The following ATP11B variants were observed in gnomAD, a reference collection of about 807,000 sequenced individuals.
ATP11B encodes the protein phospholipid-transporting ATPase IF.
In ATP11B, 81 loss-of-function variants were observed where a neutral mutation model predicts 157.8. The ratio of observed to expected loss-of-function variants is 0.51; its 90% CI spans 0.43 to 0.62. The LOEUF (loss-of-function observed/expected upper bound fraction) is 0.62, where lower values mean the gene tolerates loss of function less well. Among genes scored for constraint, ATP11B ranks in the 20% least tolerant of loss-of-function variants. The pLI is 0.00. For missense variants in ATP11B, 1,165 were observed against 1,402.2 expected (o/e 0.83, Z 2.70); for synonymous variants, 451 against 469.4 (o/e 0.96, Z 0.51).
intron 28 of ATP11B, among the ~76,000 whole-genome samples, chr3:182,903,483 A>T (rs1292562918): frequency 6.6e-6 from 1 of 152,176 alleles, no homozygotes; most frequent in Non-Finnish European, 1.5e-5. Context: ...CCTTTTATAA[A>T]ACTCTATGAG....
At chr3:182,887,032 A>G (rs1577078186) in intron 23 of ATP11B, among the ~76,000 whole-genome samples, 1 of 152,224 alleles carries the variant, frequency 6.6e-6, no homozygotes, top group African/African-American at 2.4e-5. Context: ...AACAATAAAA[A>G]CAATATGTAA....
At chr3:182,898,831 T>G in intron 28 of ATP11B, 59 bp downstream of exon 28, 1 of 1,110,012 alleles carries the variant, frequency 9.0e-7, no homozygotes, top group Non-Finnish European at 1.2e-6. Context: ...TAATAATGAA[T>G]AGCTGTCATT....
chr3:182,853,290 C>T (rs1314427646), intron 10 of ATP11B, among the ~76,000 whole-genome samples: 4 of 152,102 alleles, frequency 2.6e-5, no homozygotes. Flanking sequence ...TCTCTGCAAC[C>T]TCCGCCTCCC....
intron 2 of ATP11B, among the ~76,000 whole-genome samples, chr3:182,824,506 G>T (rs1215590741): frequency 6.6e-6 from 1 of 152,136 alleles, no homozygotes; most frequent in Admixed American, 6.5e-5. Flanking sequence ...TCCAGTATTT[G>T]ACATAGTTTT....
rs1577074984 is a variant in ATP11B at position 182,884,826 on chromosome 3, C to T, written c.2583C>T (p.Ser861=). Residue 861 remains serine, a synonymous_variant, in exon 22 of 30, where the codon TCC becomes TCT. Coordinates refer to ENST00000323116, the MANE Select transcript of ATP11B (RefSeq NM_014616.3). Reference sequence around the variant, plus strand: ...CAATAGCCAGATTTAAGTTCCTCTCCAAATTGCTTTTTGTTCATGGTCATT... The same window carrying T: ...CAATAGCCAGATTTAAGTTCCTCTCTAAATTGCTTTTTGTTCATGGTCATT... ...DYAIARFKFL[S]KLLFVHGHFY... The T allele has an allele frequency of 1.2e-6, 2 of 1,600,976 alleles. No individual in the cohort carries two copies. Among genetic ancestry groups the T allele is most frequent in the African/African-American group, 1.3e-5 (1 of 74,310 alleles).
In ATP11B at chr3:182,793,681, C is replaced by T. The variant is rs1400673378; in HGVS notation, c.-79C>T. 4.0e-6 allele frequency: 4 copies of T among 1,001,860 alleles called. No homozygotes were observed. The South Asian group carries it at 5.2e-5, about 13-fold the overall frequency. 62.1% of individuals were successfully genotyped at this position (1,001,860 alleles called of 1,614,324 possible). On this transcript the variant is annotated 5_prime_UTR_variant, in exon 1 of 30. Coordinates refer to ENST00000323116, the MANE Select transcript of ATP11B (RefSeq NM_014616.3). ...TTCGGCCCGAGGGGCTCGCCCGCTC[C>T]CGCCTCTGTCTTGTCGGCCTCCACC...
At chr3:182,812,622 A>C (rs1221089920) in intron 1 of ATP11B, among the ~76,000 whole-genome samples, 1 of 152,218 alleles carries the variant, frequency 6.6e-6, no homozygotes, top group Non-Finnish European at 1.5e-5. Flanking sequence ...GATATTTACT[A>C]TCATGGTTGA....
chr3:182,837,225 A>C, intron 7 of ATP11B, 51 bp downstream of exon 7: 5 of 1,262,268 alleles, frequency 4.0e-6, no homozygotes, highest in Non-Finnish European at 5.6e-6. Flanking sequence ...TACAGACCTC[A>C]TTTTTAAATA....
At chr3:182,913,093 G>T (rs1314964996) in intron 28 of ATP11B, among the ~76,000 whole-genome samples, 1 of 152,042 alleles carries the variant, frequency 6.6e-6, no homozygotes, top group Non-Finnish European at 1.5e-5. Context: ...CATAAATCTT[G>T]CATACTTTCA....
At chr3:182,863,066 G>A (rs538120667) in intron 12 of ATP11B, among the ~76,000 whole-genome samples, 31 of 151,676 alleles carry the variant, frequency 2.0e-4, no homozygotes, top group Non-Finnish European at 3.5e-4. Context: ...ACAGGCACCC[G>A]CCACCACACC....
intron 6 of ATP11B, 99 bp downstream of exon 6, chr3:182,836,569 T>A: frequency 7.3e-7 from 1 of 1,368,802 alleles, no homozygotes; most frequent in Non-Finnish European, 1.0e-6. Context: ...TTTGACCAGA[T>A]TAAGGGGAAG....
chr3:182,855,042 G>GT (rs1720279121), intron 10 of ATP11B, among the ~76,000 whole-genome samples: 1 of 152,112 alleles, frequency 6.6e-6, no homozygotes, highest in Non-Finnish European at 1.5e-5. Context: ...ATCTCAGCAA[G>GT]TTTTTTTGTA....
At chr3:182,830,322 CA>C (rs5854958) in intron 4 of ATP11B, among the ~76,000 whole-genome samples, 3,398 of 99,052 alleles carry the variant, frequency 0.034, 81 homozygotes, top group African/African-American at 0.093. Context: ...GATCCTGTCT[CA>C]AAAAAAAAAA....
intron 22 of ATP11B, 42 bp from the exon 23 acceptor site, chr3:182,885,909 C>A: frequency 7.4e-7 from 1 of 1,344,802 alleles, no homozygotes; most frequent in Non-Finnish European, 1.0e-6. Context: ...GTCTTTGAAA[C>A]CTAAATATTT....
chr3:182,907,502 T>C (rs186136163), intron 28 of ATP11B, among the ~76,000 whole-genome samples: 90 of 152,392 alleles, frequency 5.9e-4, no homozygotes, highest in African/African-American at 2.2e-3. Context: ...AACTCTGTTA[T>C]TAAATATCAT....
chr3:182,865,802 T>C (rs1028434778), intron 13 of ATP11B, 104 bp downstream of exon 13: 5 of 826,508 alleles, frequency 6.0e-6, no homozygotes, highest in Non-Finnish European at 9.3e-6. Flanking sequence ...GAGCAAGGAA[T>C]ATACATTTGA....
intron 28 of ATP11B, among the ~76,000 whole-genome samples, chr3:182,905,601 T>C (rs1577109357): frequency 6.6e-6 from 1 of 151,342 alleles, no homozygotes; most frequent in South Asian, 2.1e-4. Flanking sequence ...AAATCATGGC[T>C]TTATTTTGTG....
At chr3:182,861,838 G>A (rs1720862540) in intron 12 of ATP11B, among the ~76,000 whole-genome samples, 1 of 151,966 alleles carries the variant, frequency 6.6e-6, no homozygotes, top group Non-Finnish European at 1.5e-5. Context: ...ACTCTACCCA[G>A]GAGGCTGAGG....
At chr3:182,807,038 AT>A (rs1249884941) in intron 1 of ATP11B, among the ~76,000 whole-genome samples, 11 of 73,984 alleles carry the variant, frequency 1.5e-4, no homozygotes, top group East Asian at 2.5e-4. Flanking sequence ...CTAAGTATTA[AT>A]TTAAAAAAAA....
Sources: gnomAD v4.1 joint callset for allele counts (sites outside exome capture counted in the v4.1 genomes callset) on GRCh38, gnomAD v4.1.1 for gene constraint, MANE v1.5 for transcripts, NCBI Gene and HGNC (gene_info 2026-07-23, HGNC 2026-07-21) for gene names.